ZNF251: variants seen among roughly 807,000 people sequenced by gnomAD.
The protein encoded by ZNF251 is zinc finger protein 251.
A neutral mutation model predicts 13.5 loss-of-function variants in ZNF251; 14 were observed. The observed-to-expected ratio is 1.04, with a 90% CI of 0.69 to 1.63. ZNF251 has a LOEUF of 1.63. Ranked by LOEUF, ZNF251 falls within the 40% of genes most tolerant of loss-of-function variation. ZNF251 has a pLI of 0.00. For missense variants in ZNF251, 764 were observed against 834.9 expected, an observed-to-expected ratio of 0.92 and a Z score of 1.05; for synonymous variants, 287 against 295.2, an observed-to-expected ratio of 0.97 and a Z score of 0.28.
intron 4 of ZNF251, among the ~76,000 whole-genome samples, chr8:144,749,840 G>C (rs981446780): frequency 6.8e-6 from 1 of 146,858 alleles, no homozygotes; most frequent in Non-Finnish European, 1.5e-5. Flanking sequence ...TTGGTCTCTA[G>C]TATTTAAAAA....
intron 4 of ZNF251, among the ~76,000 whole-genome samples, chr8:144,733,398 G>A (rs563638351): frequency 1.5e-4 from 23 of 152,276 alleles, no homozygotes; most frequent in Admixed American, 8.5e-4. Flanking sequence ...AGTGCAGCAC[G>A]CCTGTTTCTG....
chr8:144,752,135 C>A (rs867837215), intron 4 of ZNF251, among the ~76,000 whole-genome samples: 4,828 of 86,150 alleles, frequency 0.056, 335 homozygotes, highest in African/African-American at 0.18. Context: ...ATAACTAGAC[C>A]AAAAAAAAAA....
intron 4 of ZNF251, among the ~76,000 whole-genome samples, chr8:144,742,900 CAT>C (rs1027617151): frequency 4.6e-5 from 7 of 152,126 alleles, no homozygotes; most frequent in African/African-American, 1.7e-4. Flanking sequence ...ATGGGTTTCA[CAT>C]GTGTTTGGTT....
intron 4 of ZNF251, among the ~76,000 whole-genome samples, chr8:144,725,066 T>G (rs1388059215): frequency 6.6e-6 from 1 of 152,022 alleles, no homozygotes; most frequent in Non-Finnish European, 1.5e-5. Flanking sequence ...CAGACTGGAG[T>G]GCAATGGCAC....
At chr8:144,736,064 G>A (rs1439006525) in intron 4 of ZNF251, among the ~76,000 whole-genome samples, 2 of 152,130 alleles carry the variant, frequency 1.3e-5, no homozygotes, top group African/African-American at 2.4e-5. Context: ...GGGCCCCCAC[G>A]CTGGGCGGCT....
intron 4 of ZNF251, among the ~76,000 whole-genome samples, chr8:144,742,111 C>G (rs1412553884): frequency 6.6e-6 from 1 of 151,914 alleles, no homozygotes; most frequent in Non-Finnish European, 1.5e-5. Context: ...TGACCCACGA[C>G]ACACCACGAG....
chr8:144,724,637 G>T (rs1009888427), intron 4 of ZNF251, among the ~76,000 whole-genome samples: 1 of 152,286 alleles, frequency 6.6e-6, no homozygotes, highest in East Asian at 1.9e-4. Context: ...AATGATGCTC[G>T]CTGCATTTTG....
At chr8:144,733,702 C>CT (rs1491232458) in intron 4 of ZNF251, among the ~76,000 whole-genome samples, 1 of 152,216 alleles carries the variant, frequency 6.6e-6, no homozygotes, top group Non-Finnish European at 1.5e-5. Flanking sequence ...GCCCTCCATC[C>CT]TCTCTCCTCG....
chr8:144,721,844 T>G lies in ZNF251; in HGVS notation c.1816A>C (p.Lys606Gln), dbSNP rs376640343. The change falls in exon 5 of 5, where the codon AAG (lysine) becomes CAG (glutamine). Residue 606 changes from lysine to glutamine, a missense_variant. By Grantham distance (53) the Lys-to-Gln change is moderately conservative. Coordinates refer to ENST00000292562, the MANE Select transcript of ZNF251 (RefSeq NM_138367.2). ...ACCTGATGTTGAATAAGGGTTGACTTTCCACTGAAGGCGTTTCCACATTCT... is the reference window on the plus strand; with the variant it reads ...ACCTGATGTTGAATAAGGGTTGACTGTCCACTGAAGGCGTTTCCACATTCT... ...CQECGNAFSG[K>Q]STLIQHQVTH... The G allele has an allele frequency of 3.7e-5, 56 of 1,497,702 alleles. No individual in the cohort carries two copies. Among genetic ancestry groups the G allele is most frequent in the Non-Finnish European group, 5.0e-5 (56 of 1,123,378 alleles). 92.8% of individuals were successfully genotyped at this position (1,497,702 alleles called of 1,614,324 possible).
chr8:144,747,285 T>C (rs7014773), intron 4 of ZNF251, among the ~76,000 whole-genome samples: 54,867 of 152,186 alleles, frequency 0.36, 11,214 homozygotes, highest in South Asian at 0.48. Context: ...TCTGGTTTCA[T>C]TTCTAGTTTC....
chr8:144,752,981 T>C lies in ZNF251; in HGVS notation c.277+702A>G, dbSNP rs576805546. On this transcript the variant is annotated intron_variant, in intron 4 of 4. Coordinates refer to ENST00000292562, the MANE Select transcript of ZNF251 (RefSeq NM_138367.2). ...TATTCAATAGAACAAAGGTAAACAT[T>C]AAAAAAAGCCACTGGTCAGGTGCAG... Among the ~76,000 whole-genome samples, 176 of 151,702 alleles carry C rather than the reference T, an allele frequency of 1.2e-3. 1 individual carries two copies. Among genetic ancestry groups the C allele is most frequent in the African/African-American group, 3.9e-3 (163 of 41,378 alleles).
chr8:144,754,461 G>A, intron 2 of ZNF251, 140 bp from the exon 3 acceptor site: 2 of 1,444,496 alleles, frequency 1.4e-6, no homozygotes, highest in Non-Finnish European at 1.8e-6. Flanking sequence ...GTCCCTGATG[G>A]GGCAGCTGAG....
chr8:144,755,336 G>C, intron 1 of ZNF251, 69 bp downstream of exon 1: 1 of 1,249,200 alleles, frequency 8.0e-7, no homozygotes, highest in Non-Finnish European at 1.0e-6. Flanking sequence ...CCGCCTCCCC[G>C]CGCCCTCCCC....
chr8:144,746,081 C>A (rs1824415013), intron 4 of ZNF251, among the ~76,000 whole-genome samples: 1 of 152,204 alleles, frequency 6.6e-6, no homozygotes, highest in South Asian at 2.1e-4. Context: ...TTTTTAACTT[C>A]AAATTCCACT....
chr8:144,751,160 A>G (rs1422791312), intron 4 of ZNF251, among the ~76,000 whole-genome samples: 1 of 152,000 alleles, frequency 6.6e-6, no homozygotes, highest in African/African-American at 2.4e-5. Flanking sequence ...TACCTCTCCA[A>G]TTTTGAGAGC....
intron 4 of ZNF251, among the ~76,000 whole-genome samples, chr8:144,748,841 G>C (rs115746556): frequency 2.6e-5 from 4 of 152,236 alleles, no homozygotes; most frequent in African/African-American, 9.6e-5. Flanking sequence ...GGAATTACAG[G>C]AGCCATCACT....
At chr8:144,724,050 TG>T (rs1823446560) in intron 4 of ZNF251, among the ~76,000 whole-genome samples, 1 of 152,094 alleles carries the variant, frequency 6.6e-6, no homozygotes, top group East Asian at 1.9e-4. Flanking sequence ...GAGACCATCC[TG>T]GGTAACACGG....
In ZNF251 at chr8:144,750,846, G is replaced by GTT. The variant is rs58473905; in HGVS notation, c.277+2835_277+2836dup. ...GTATCTGCCTGTTTATCTCTCCAGA[G>GTT]TTTTTTTTTTTTCTTTTTTTTTTTT... is the stretch of plus-strand genomic sequence containing the variant. On this transcript the variant is annotated intron_variant, in intron 4 of 4. Transcript: ENST00000292562. Among the ~76,000 whole-genome samples, 879 of 141,236 alleles carry GTT rather than the reference G, an allele frequency of 6.2e-3. 8 individuals carry two copies. The highest frequency in any genetic ancestry group is 0.018 in the African/African-American group (693 of 38,022). The allele number at this position is 141,236 out of a possible 152,430, so 92.7% of individuals were successfully genotyped here.
At chr8:144,744,913 G>A (rs766600656) in intron 4 of ZNF251, among the ~76,000 whole-genome samples, 1 of 152,154 alleles carries the variant, frequency 6.6e-6, no homozygotes, top group African/African-American at 2.4e-5. Flanking sequence ...AAAACCAGCT[G>A]GGCGTGGTGG....
Sources: allele counts gnomAD v4.1 joint callset (sites outside exome capture counted in the v4.1 genomes callset), GRCh38; gene constraint gnomAD v4.1.1; transcripts MANE v1.5; gene names NCBI Gene and HGNC (gene_info 2026-07-23, HGNC 2026-07-21).